The following SYTL5 variants were observed in gnomAD, a reference collection of about 807,000 sequenced individuals.
SYTL5 encodes synaptotagmin like 5.
SYTL5 carries 34 observed loss-of-function variants against 55.9 expected under a neutral mutation model. That is an observed-to-expected ratio of 0.61 (90% CI 0.46 to 0.81). SYTL5 has a LOEUF of 0.81. Ranked by LOEUF, SYTL5 falls within the 30% of genes least tolerant of loss-of-function variation. The probability of loss-of-function intolerance (pLI) is 0.00; values close to 1 mark genes in which losing one functional copy is unlikely to be tolerated. For synonymous variants in SYTL5, 221 were observed against 188.7 expected (o/e 1.17, Z -1.40); for missense variants, 637 against 546.7 (o/e 1.17, Z -1.65).
the SYTL5 span, among the ~76,000 whole-genome samples, chrX:37,930,711 A>T: frequency 8.9e-6 from 1 of 112,138 alleles, no homozygotes; most frequent in Admixed American, 9.5e-5. Flanking sequence ...ATTGTGTCTT[A>T]GTTGTTAAGT....
chrX:38,110,198 T>C (rs1300700695), intron 12 of SYTL5, 123 bp from the exon 13 acceptor site: 1 of 424,884 alleles, frequency 2.4e-6, no homozygotes, highest in Admixed American at 4.9e-5. Context: ...GTTTTCTTTG[T>C]GTTTGTTTTG....
At chrX:38,039,950 C>T (rs1935232399) in intron 2 of SYTL5, among the ~76,000 whole-genome samples, 1 of 110,879 alleles carries the variant, frequency 9.0e-6, no homozygotes, top group Admixed American at 9.6e-5. Context: ...CCAAGGCGGG[C>T]AGATCATGAG....
Position 38,073,593 on chromosome X carries a change from C to T in SYTL5, c.449C>T (p.Ala150Val). The T allele has an allele frequency of 1.7e-6, 2 of 1,173,240 alleles. No homozygotes were observed. Among genetic ancestry groups the T allele is most frequent in the Non-Finnish European group, 2.3e-6 (2 of 873,845 alleles). ...CTTCTGATTGTTTGTTAATGAGGAG[C>T]TGAAGAAGTACAGAGCCAAGAGCAA... ...RQSILRRSPG[A>V]EEVQSQEQTR... The change falls in exon 5 of 17, where the codon GCT becomes GTT. Residue 150 changes from alanine (A) to valine (V), a missense_variant. Coordinates refer to ENST00000297875, the MANE Select transcript of SYTL5 (RefSeq NM_138780.3).
chrX:37,894,974 G>A, the SYTL5 span, among the ~76,000 whole-genome samples: 1 of 111,261 alleles, frequency 9.0e-6, no homozygotes, highest in Non-Finnish European at 1.9e-5. Context: ...TGGTGCTCCA[G>A]CTTGCAAAGG....
the SYTL5 span, among the ~76,000 whole-genome samples, chrX:38,000,316 T>C: frequency 8.9e-6 from 1 of 112,204 alleles, no homozygotes; most frequent in African/African-American, 3.2e-5. Context: ...TGGGGTGATA[T>C]GATGAGCCCA....
At chrX:38,036,230 C>T (rs1935103548) in intron 2 of SYTL5, among the ~76,000 whole-genome samples, 1 of 111,219 alleles carries the variant, frequency 9.0e-6, no homozygotes, top group African/African-American at 3.3e-5. Context: ...CGCTTGAACC[C>T]AGGAGGCGGA....
the SYTL5 span, among the ~76,000 whole-genome samples, chrX:37,896,667 T>C: frequency 1.8e-5 from 2 of 111,607 alleles, no homozygotes; most frequent in African/African-American, 6.5e-5. Flanking sequence ...GCTGACAGCC[T>C]GCCAAACACT....
chrX:38,062,401 T>A (rs1935978082), intron 3 of SYTL5, among the ~76,000 whole-genome samples: 1 of 112,362 alleles, frequency 8.9e-6, no homozygotes, highest in Non-Finnish European at 1.9e-5. Flanking sequence ...CTGATGATAT[T>A]TTTATTTTTG....
At chrX:38,110,173 A>G in intron 12 of SYTL5, 148 bp from the exon 13 acceptor site, 5 of 376,934 alleles carry the variant, frequency 1.3e-5, no homozygotes, top group East Asian at 4.3e-5. Context: ...TAGCAGAAAC[A>G]AAGAAAAACA....
rs767268552 is a variant in SYTL5 at position 38,033,912 on chromosome X, T to A, written c.23T>A (p.Ile8Asn). 8.4e-7 allele frequency: 1 copy of A among 1,188,984 alleles called. No individual in the cohort carries two copies. Among genetic ancestry groups the A allele is most frequent in the South Asian group, 1.8e-5 (1 of 54,729 alleles). The change falls in exon 2 of 17, where the codon ATC becomes AAC. Residue 8 changes from isoleucine to asparagine, a missense_variant. Transcript: ENST00000297875. MSKNSEF[I>N]NLSFLLDHEK... Reference sequence around the variant, plus strand: ...ACCATGTCTAAGAACTCAGAGTTCATCAATCTGTCATTTTTATTAGATCAT... The same window carrying A: ...ACCATGTCTAAGAACTCAGAGTTCAACAATCTGTCATTTTTATTAGATCAT...
chrX:38,115,357 G>A (rs1053369321), intron 13 of SYTL5, among the ~76,000 whole-genome samples: 1 of 102,746 alleles, frequency 9.7e-6, no homozygotes, highest in Non-Finnish European at 2.0e-5. Context: ...GGTAGCGGGC[G>A]CCTGTAGTCC....
At position 38,126,701 on chromosome X, in the gene SYTL5, C is replaced by T. The variant is rs374383512; in HGVS notation, c.2164C>T (p.Arg722Cys). The change falls in exon 17 of 17, where the codon CGT becomes TGT. Residue 722 changes from arginine to cysteine, a missense_variant. Physicochemically the swap from Arg to Cys is radical, Grantham distance 180. Transcript: ENST00000297875. ...GTPFEGVLML[R>C]SSMGKCRL ...TCCCTTTGAGGGTGTACTCATGCTT[C>T]GTTCCAGCATGGGAAAATGTAGGCT... The T allele has an allele frequency of 1.1e-5, 13 of 1,207,511 alleles. No individual in the cohort carries two copies. Among genetic ancestry groups the T allele is most frequent in the African/African-American group, 1.8e-5 (1 of 56,935 alleles).
intron 2 of SYTL5, among the ~76,000 whole-genome samples, chrX:38,043,657 G>GTATATATA (rs1387169792): frequency 2.5e-5 from 1 of 39,385 alleles, no homozygotes; most frequent in African/African-American, 1.4e-4. Flanking sequence ...ATGTATGTAT[G>GTATATATA]TATGTATATA....
chrX:37,926,338 GTTGT>G, the SYTL5 span, among the ~76,000 whole-genome samples: 1 of 110,047 alleles, frequency 9.1e-6, no homozygotes, highest in Admixed American at 9.7e-5. Flanking sequence ...TTGATATTGA[GTTGT>G]TTAAGTTCCT....
At chrX:38,027,035 G>T (rs1218716832) in intron 1 of SYTL5, among the ~76,000 whole-genome samples, 2 of 111,737 alleles carry the variant, frequency 1.8e-5, no homozygotes. Flanking sequence ...CTGAACAGGG[G>T]TGATGATATT....
chrX:38,121,954 C>T lies in SYTL5; in HGVS notation c.1706-126C>T. On this transcript the variant is annotated intron_variant, in intron 14 of 16. Transcript: ENST00000297875. ...TAAAAATATACAATAATGTAAAGGCCCAAATTAGTCAGCAAATGAAATATA... is the reference window on the plus strand; with the variant it reads ...TAAAAATATACAATAATGTAAAGGCTCAAATTAGTCAGCAAATGAAATATA... The T allele has an allele frequency of 1.3e-5, 9 of 669,330 alleles. No individual in the cohort carries two copies. The South Asian group carries it at 4.2e-4, about 31-fold the overall frequency. The allele number at this position is 669,330 out of a possible 1,213,427, so 55.2% of individuals were successfully genotyped here.
intron 5 of SYTL5, among the ~76,000 whole-genome samples, chrX:38,075,636 C>T (rs1302256967): frequency 9.0e-6 from 1 of 111,558 alleles, no homozygotes; most frequent in Non-Finnish European, 1.9e-5. Flanking sequence ...ATATTAAGTG[C>T]TATTCTCACC....
Position 38,033,661 on chromosome X carries a change from T to A in SYTL5, c.-229T>A, listed in dbSNP as rs1161704240. On this transcript the variant is annotated 5_prime_UTR_variant, in exon 2 of 17. Coordinates refer to ENST00000297875, the MANE Select transcript of SYTL5 (RefSeq NM_138780.3). ...AAAGGCTTTGGAAACATTTTTCAGT[T>A]AAAACAATAATGACTTTCTTGGAGT... The A allele has an allele frequency of 4.6e-6, 1 of 216,652 alleles. No homozygotes were observed. The highest frequency in any genetic ancestry group is 7.7e-5 in the East Asian group (1 of 13,055). 17.9% of individuals were successfully genotyped at this position (216,652 alleles called of 1,213,427 possible).
the SYTL5 span, among the ~76,000 whole-genome samples, chrX:37,970,729 C>T: frequency 2.7e-5 from 3 of 111,536 alleles, no homozygotes; most frequent in African/African-American, 9.8e-5. Context: ...CAGGTATCTA[C>T]TTAAGTAATA....
Sources: gnomAD v4.1 joint callset for allele counts (sites outside exome capture counted in the v4.1 genomes callset) on GRCh38, gnomAD v4.1.1 for gene constraint, MANE v1.5 for transcripts, NCBI Gene and HGNC (gene_info 2026-07-23, HGNC 2026-07-21) for gene names.